Variants in GPC6 observed in about 807,000 individuals in gnomAD.
The protein encoded by GPC6 is glypican-6.
GPC6 carries 14 observed loss-of-function variants against 55.2 expected under a neutral mutation model. The observed-to-expected ratio is 0.25, with a 90% CI of 0.17 to 0.40. GPC6 has a LOEUF of 0.40. Ranked by LOEUF, GPC6 falls within the 10% of genes least tolerant of loss-of-function variation. The pLI is 1.00. For missense variants in GPC6, 641 were observed against 708.5 expected, an observed-to-expected ratio of 0.90 and a Z score of 1.08; for synonymous variants, 278 against 259.6, an observed-to-expected ratio of 1.07 and a Z score of -0.68.
chr13:93,478,404 C>T (rs1003982155), intron 1 of GPC6, among the ~76,000 whole-genome samples: 3 of 152,108 alleles, frequency 2.0e-5, no homozygotes, highest in Non-Finnish European at 4.4e-5. Flanking sequence ...AATGTCTTCA[C>T]CAGACAGTAT....
At chr13:94,184,588 GAT>G (rs1367573301) in intron 4 of GPC6, among the ~76,000 whole-genome samples, 1 of 152,016 alleles carries the variant, frequency 6.6e-6, no homozygotes, top group African/African-American at 2.4e-5. Flanking sequence ...ACCACAATGA[GAT>G]AGCATCTCAC....
intron 1 of GPC6, among the ~76,000 whole-genome samples, chr13:93,396,967 A>G (rs556509609): frequency 8.5e-5 from 13 of 152,284 alleles, no homozygotes; most frequent in Non-Finnish European, 1.6e-4. Flanking sequence ...CATACTTTAC[A>G]TACTAAATAT....
At chr13:93,820,360 A>G (rs925520541) in intron 2 of GPC6, among the ~76,000 whole-genome samples, 2 of 152,072 alleles carry the variant, frequency 1.3e-5, no homozygotes, top group Admixed American at 6.6e-5. Flanking sequence ...AATTTAATTT[A>G]TAATGTTTAA....
chr13:94,156,881 A>G (rs908175757), intron 4 of GPC6, among the ~76,000 whole-genome samples: 1 of 152,172 alleles, frequency 6.6e-6, no homozygotes, highest in African/African-American at 2.4e-5. Flanking sequence ...TGAGTGCTGG[A>G]GAAAGGAATT....
At chr13:93,505,346 C>T (rs1312831569) in intron 1 of GPC6, among the ~76,000 whole-genome samples, 3 of 152,088 alleles carry the variant, frequency 2.0e-5, no homozygotes, top group African/African-American at 4.8e-5. Flanking sequence ...TCTCTAGTTA[C>T]ACTATTTTCA....
At chr13:93,237,818 A>G (rs1408288065) in intron 1 of GPC6, among the ~76,000 whole-genome samples, 1 of 152,178 alleles carries the variant, frequency 6.6e-6, no homozygotes, top group Non-Finnish European at 1.5e-5. Context: ...TTTGTTGAAT[A>G]GGGTGTACTT....
intron 4 of GPC6, among the ~76,000 whole-genome samples, chr13:94,039,448 T>C (rs1047783205): frequency 1.3e-5 from 2 of 151,846 alleles, no homozygotes. Context: ...CGGGTCTAAA[T>C]AGAGGTGACT....
intron 4 of GPC6, among the ~76,000 whole-genome samples, chr13:94,099,159 T>C (rs868108462): frequency 6.6e-6 from 1 of 152,170 alleles, no homozygotes; most frequent in Admixed American, 6.5e-5. Flanking sequence ...GCAGACTCAT[T>C]GTAATAATTC....
intron 1 of GPC6, among the ~76,000 whole-genome samples, chr13:93,345,697 G>A (rs1358127303): frequency 1.3e-5 from 2 of 151,984 alleles, no homozygotes; most frequent in South Asian, 2.1e-4. Context: ...CCATTTTGTT[G>A]GTAAAATTAG....
intron 1 of GPC6, among the ~76,000 whole-genome samples, chr13:93,540,184 T>C (rs1454756585): frequency 2.2e-4 from 33 of 152,164 alleles, no homozygotes; most frequent in Admixed American, 2.2e-3. Context: ...CTGCTTGTTT[T>C]TTCATTCTTC....
rs573179491 is a variant in GPC6 at position 94,345,581 on chromosome 13, T to C, written c.1153-36833T>C. On this transcript the variant is annotated intron_variant, in intron 6 of 8. Transcript: ENST00000377047. ...CTTCTCTAAAAGGGGCATAGTGCCA[T>C]CTACATGCTTAATGAAAAACACGTG... 9.2e-5 allele frequency among the ~76,000 whole-genome samples: 14 copies of C among 152,252 alleles called. No individual in the cohort carries two copies. In the East Asian group the frequency reaches 2.5e-3, roughly 27 times the overall value.
intron 3 of GPC6, among the ~76,000 whole-genome samples, chr13:93,999,497 C>T (rs915391895): frequency 6.6e-6 from 1 of 152,148 alleles, no homozygotes; most frequent in African/African-American, 2.4e-5. Flanking sequence ...CATACGTGTG[C>T]ACATGTCTTT....
At chr13:93,762,130 T>C (rs965120080) in intron 2 of GPC6, among the ~76,000 whole-genome samples, 1 of 152,208 alleles carries the variant, frequency 6.6e-6, no homozygotes, top group Non-Finnish European at 1.5e-5. Flanking sequence ...TCTGTGATAT[T>C]TGTCTTTCTG....
At chr13:93,801,633 C>G (rs1441660905) in intron 2 of GPC6, among the ~76,000 whole-genome samples, 1 of 151,986 alleles carries the variant, frequency 6.6e-6, no homozygotes, top group Non-Finnish European at 1.5e-5. Flanking sequence ...AGTTTTCTAC[C>G]TATCCAAGCC....
At chr13:93,804,371 A>G (rs1003846229) in intron 2 of GPC6, among the ~76,000 whole-genome samples, 2 of 152,190 alleles carry the variant, frequency 1.3e-5, no homozygotes, top group Admixed American at 1.3e-4. Flanking sequence ...CCACCATTAC[A>G]TATGTACATG....
At chr13:93,519,432 A>G (rs1170696565) in intron 1 of GPC6, among the ~76,000 whole-genome samples, 1 of 152,014 alleles carries the variant, frequency 6.6e-6, no homozygotes, top group Non-Finnish European at 1.5e-5. Flanking sequence ...ACATTTTCCT[A>G]GTACAAGGCC....
intron 2 of GPC6, among the ~76,000 whole-genome samples, chr13:93,609,654 C>G (rs1286535608): frequency 1.3e-5 from 2 of 152,186 alleles, no homozygotes; most frequent in Non-Finnish European, 2.9e-5. Context: ...TCCTATGTGA[C>G]TTGTGTCCCC....
chr13:94,243,947 AG>A (rs1378894989), intron 4 of GPC6, among the ~76,000 whole-genome samples: 3 of 152,080 alleles, frequency 2.0e-5, no homozygotes, highest in Non-Finnish European at 4.4e-5. Context: ...AGAGAGGTAA[AG>A]CTGCCCCTAT....
intron 1 of GPC6, among the ~76,000 whole-genome samples, chr13:93,249,427 CT>C (rs1467829490): frequency 6.6e-6 from 1 of 152,164 alleles, no homozygotes. Flanking sequence ...GTTTCGTCCT[CT>C]GTTGGTAAGG....
Sources: gnomAD v4.1 joint callset for allele counts (sites outside exome capture counted in the v4.1 genomes callset) on GRCh38, gnomAD v4.1.1 for gene constraint, MANE v1.5 for transcripts, NCBI Gene and HGNC (gene_info 2026-07-23, HGNC 2026-07-21) for gene names.